ACTR8: variants seen among roughly 807,000 people sequenced by gnomAD.
The protein encoded by ACTR8 is actin-related protein 8.
ACTR8 carries 70 observed loss-of-function variants against 84.3 expected under a neutral mutation model. The observed-to-expected ratio is 0.83, with a 90% CI of 0.68 to 1.01. The LOEUF (loss-of-function observed/expected upper bound fraction) is 1.01, where lower values mean the gene tolerates loss of function less well. Ranked by LOEUF, ACTR8 falls within the 50% of genes least tolerant of loss-of-function variation. The pLI is 0.00. For missense variants in ACTR8, 672 were observed against 775.4 expected (o/e 0.87, Z 1.58); for synonymous variants, 268 against 275.2 (o/e 0.97, Z 0.26).
chr3:53,868,937 G>A (rs369196181), intron 12 of ACTR8, 75 bp from the exon 13 acceptor site: 26 of 1,532,980 alleles, frequency 1.7e-5, no homozygotes, highest in African/African-American at 6.9e-5. Flanking sequence ...ATATGGGGCC[G>A]AGAAAAATCC....
intron 12 of ACTR8, among the ~76,000 whole-genome samples, chr3:53,869,452 T>C (rs1205468139): frequency 6.6e-6 from 1 of 152,214 alleles, no homozygotes; most frequent in African/African-American, 2.4e-5. Flanking sequence ...ATTTCGCAGT[T>C]TGAGTGGAAT....
rs1194295782 is a variant in ACTR8, at chr3:53,880,014, G to A, written c.219C>T (p.His73=). 10 of 1,614,064 alleles carry A rather than the reference G, an allele frequency of 6.2e-6. 1 individual carries two copies. Among genetic ancestry groups the A allele is most frequent in the Admixed American group, 5.0e-5 (3 of 60,000 alleles). Residue 73 remains histidine (H), a synonymous_variant, in exon 2 of 13, where the codon CAC becomes CAT. Coordinates refer to ENST00000335754, the MANE Select transcript of ACTR8 (RefSeq NM_022899.5). The part of the protein sequence containing the change: ...ATDTLPASIP[H]VIARRHKQQG... ...GTTGTTTGTGTCTTCGGGCAATGAC[G>A]TGAGGAATGCTGGCAGGAAGAGTGT...
chr3:53,861,392 T>C, the ACTR8 span: 1 of 152,146 alleles, frequency 6.6e-6, no homozygotes, highest in South Asian at 2.1e-4. Flanking sequence ...TCAAGATAAA[T>C]GAATCCAGCG....
intron 1 of ACTR8, among the ~76,000 whole-genome samples, chr3:53,880,879 T>C (rs1381665420): frequency 6.6e-6 from 1 of 152,210 alleles, no homozygotes; most frequent in Non-Finnish European, 1.5e-5. Flanking sequence ...TCCCTGACTG[T>C]CGGGGATGGA....
intron 1 of ACTR8, chr3:53,881,737 C>A: frequency 1.6e-6 from 1 of 610,248 alleles, no homozygotes. Context: ...GACGGTGGGG[C>A]GTGCGGGAGA....
At chr3:53,864,814 C>A (rs781416036), downstream of ACTR8, 1 of 1,614,052 alleles carries the variant, frequency 6.2e-7, no homozygotes, top group East Asian at 2.2e-5. Context: ...TGTGGTTTAC[C>A]CATCTGAAAT....
Position 53,870,367 on chromosome 3 carries a change from A to T in ACTR8, c.1568-222T>A. On this transcript the variant is annotated intron_variant, in intron 11 of 12. Coordinates refer to ENST00000335754, the MANE Select transcript of ACTR8 (RefSeq NM_022899.5). The surrounding 1 kb of genome is among the most constrained non-coding windows in gnomAD (Gnocchi z 4.1). ...GCAGGATTAGGATCAAAATCTTTAA[A>T]GGAGGCCGAGCATGGTGGCTCACGC... is the stretch of plus-strand genomic sequence containing the variant. 1.8e-6 allele frequency: 1 copy of T among 558,288 alleles called. No homozygotes were observed. Among genetic ancestry groups the T allele is most frequent in the South Asian group, 2.3e-5 (1 of 42,922 alleles). The allele number at this position is 558,288 out of a possible 1,614,324, so 34.6% of individuals were successfully genotyped here. A position where few individuals can be genotyped will look rare whatever the true frequency, so the allele number is the denominator to read the frequency against.
At chr3:53,875,449 C>T (rs1344815755) in intron 7 of ACTR8, among the ~76,000 whole-genome samples, 1 of 152,228 alleles carries the variant, frequency 6.6e-6, no homozygotes, top group Non-Finnish European at 1.5e-5. Context: ...AGCTGCAAAT[C>T]TGGTCCTGAT....
intron 10 of ACTR8, among the ~76,000 whole-genome samples, chr3:53,872,131 A>G (rs1699891226): frequency 6.6e-6 from 1 of 152,254 alleles, no homozygotes; most frequent in African/African-American, 2.4e-5. Context: ...ATGTAAGTAA[A>G]TGATATACAC....
rs1433229129 is a variant in ACTR8 at position 53,868,868 on chromosome 3, G to A, written c.1732-6C>T. ...ATCAGCCGGGGGTCCATGTCCTACAGAAGGGATGAAGGCATTTCAGCCTAA... is the reference window on the plus strand; with the variant it reads ...ATCAGCCGGGGGTCCATGTCCTACAAAAGGGATGAAGGCATTTCAGCCTAA... On this transcript the variant is annotated splice_region_variant and splice_polypyrimidine_tract_variant and intron_variant, in intron 12 of 12. Transcript: ENST00000335754. 9.3e-6 allele frequency: 15 copies of A among 1,613,270 alleles called. No homozygotes were observed. Among genetic ancestry groups the A allele is most frequent in the Non-Finnish European group, 1.3e-5 (15 of 1,179,644 alleles).
intron 3 of ACTR8, among the ~76,000 whole-genome samples, 161 bp downstream of exon 3, chr3:53,878,196 G>A (rs1700004468): frequency 6.6e-6 from 1 of 152,160 alleles, no homozygotes; most frequent in African/African-American, 2.4e-5. Flanking sequence ...CTAAGCATTT[G>A]TAACACTGAC....
In ACTR8 at chr3:53,870,257, C is replaced by G. The variant is rs976247831; in HGVS notation, c.1568-112G>C. The G allele has an allele frequency of 7.8e-7, 1 of 1,279,920 alleles. No homozygotes were observed. Among genetic ancestry groups the G allele is most frequent in the Non-Finnish European group, 1.1e-6 (1 of 920,780 alleles). The allele number at this position is 1,279,920 out of a possible 1,614,324, so 79.3% of individuals were successfully genotyped here. A position where few individuals can be genotyped will look rare whatever the true frequency, so the allele number is the denominator to read the frequency against. ...TGCAATAGCCTTCTCAAAGATTTCC[C>G]TCCAGCCCACCCTCCACACTGCAGC... On this transcript the variant is annotated intron_variant, in intron 11 of 12. Transcript: ENST00000335754. The surrounding 1 kb of genome is among the most constrained non-coding windows in gnomAD (Gnocchi z 4.1).
At chr3:53,864,229 A>G (rs1017544952), downstream of ACTR8, among the ~76,000 whole-genome samples, 2 of 152,230 alleles carry the variant, frequency 1.3e-5, no homozygotes, top group Non-Finnish European at 2.9e-5. Flanking sequence ...TGCTTTTAAA[A>G]TAAGGTTTAA....
intron 9 of ACTR8, among the ~76,000 whole-genome samples, 168 bp downstream of exon 9, chr3:53,872,864 C>T (rs45511795): frequency 0.33 from 50,509 of 152,106 alleles, 8,604 homozygotes; most frequent in East Asian, 0.49. Context: ...AGATATTCTT[C>T]AGATCCATTC....
rs944068532 is a variant in ACTR8 at position 53,867,978 on chromosome 3, C to T, written c.*741G>A. On this transcript the variant is annotated 3_prime_UTR_variant, in exon 13 of 13. Transcript: ENST00000335754. ...AAGGACTCTTAAATTATACCCAAAT[C>T]ATTTCTATTTGGCTTTAGGAAAAAA... 4 of 152,176 alleles carry T rather than the reference C, an allele frequency of 2.6e-5. No homozygotes were observed. The highest frequency in any genetic ancestry group is 5.9e-5 in the Non-Finnish European group (4 of 68,034). 9.4% of individuals were successfully genotyped at this position (152,176 alleles called of 1,614,324 possible). A position where few individuals can be genotyped will look rare whatever the true frequency, so the allele number is the denominator to read the frequency against.
chr3:53,875,553 G>T lies in ACTR8; in HGVS notation c.911+395C>A, dbSNP rs554429588. Among the ~76,000 whole-genome samples, 98 of 152,332 alleles carry T rather than the reference G, an allele frequency of 6.4e-4. 1 individual carries two copies. The highest frequency in any genetic ancestry group is 2.2e-3 in the African/African-American group (91 of 41,562). ...GCAGATATTCAAAACACTGGCCAGA[G>T]AATTCAGATTGAAAAGGTCGATTTT... On this transcript the variant is annotated intron_variant, in intron 7 of 12. Coordinates refer to ENST00000335754, the MANE Select transcript of ACTR8 (RefSeq NM_022899.5).
At position 53,873,026 on chromosome 3, in the gene ACTR8, A is replaced by C. The variant is rs752325802; in HGVS notation, c.1161+6T>G. The stretch of plus-strand genomic sequence containing the variant: ...CTACCCATGGAAACAGATACCTATA[A>C]GTTACCTGCAGTTTTTCATCTCCTA... On this transcript the variant is annotated splice_donor_region_variant and intron_variant, in intron 9 of 12. Transcript: ENST00000335754. 1.1e-5 allele frequency: 17 copies of C among 1,602,326 alleles called. No individual in the cohort carries two copies. Among genetic ancestry groups the C allele is most frequent in the African/African-American group, 8.0e-5 (6 of 74,798 alleles).
chr3:53,874,517 G>A (rs1559793187), intron 7 of ACTR8, among the ~76,000 whole-genome samples, 153 bp from the exon 8 acceptor site: 1 of 152,144 alleles, frequency 6.6e-6, no homozygotes, highest in Admixed American at 6.5e-5. Context: ...TTGAGGCCAG[G>A]AGTTCAAGAC....
rs781293953 is a variant in ACTR8, at chr3:53,876,036, C to T, written c.823G>A (p.Gly275Ser). The T allele has an allele frequency of 1.9e-6, 3 of 1,614,092 alleles. No individual in the cohort carries two copies. The highest frequency in any genetic ancestry group is 4.5e-5 in the East Asian group (2 of 44,868). The change falls in exon 7 of 13, where the codon GGC (glycine) becomes AGC (serine). Residue 275 changes from glycine (G) to serine (S), a missense_variant. Coordinates refer to ENST00000335754, the MANE Select transcript of ACTR8 (RefSeq NM_022899.5). Reference sequence around the variant, plus strand: ...TCTACAATACACGTGCTGCTTAAGCCACTTCCATAGGTGGCACACACAGAC... The same window carrying T: ...TCTACAATACACGTGCTGCTTAAGCTACTTCCATAGGTGGCACACACAGAC... ...QESVCATYGSGLSSTCIVDVG... is the reference protein window; with the variant it reads ...QESVCATYGSSLSSTCIVDVG...
Sources: gnomAD v4.1 joint callset for allele counts (sites outside exome capture counted in the v4.1 genomes callset) on GRCh38, gnomAD v4.1.1 for gene constraint, Gnocchi (gnomAD v3.1) non-coding constraint, MANE v1.5 for transcripts, NCBI Gene and HGNC (gene_info 2026-07-23, HGNC 2026-07-21) for gene names.